The following CSMD1 variants were observed in gnomAD, a reference collection of about 807,000 sequenced individuals.
CSMD1 encodes the protein CUB and Sushi multiple domains 1, also known as CUB and sushi domain-containing protein 1.
CSMD1 carries 213 observed loss-of-function variants against 417.5 expected under a neutral mutation model. The observed-to-expected ratio is 0.51, with a 90% CI of 0.46 to 0.57. The LOEUF is 0.57. CSMD1 is among the 20% of genes least tolerant of loss of function. The probability of loss-of-function intolerance (pLI) is 0.00; values close to 1 mark genes in which losing one functional copy is unlikely to be tolerated. For synonymous variants in CSMD1, 2,862 were observed against 1,736.8 expected (o/e 1.65, Z -16.11); for missense variants, 6,923 against 4,529.7 (o/e 1.53, Z -15.17).
intron 49 of CSMD1, among the ~76,000 whole-genome samples, chr8:3,084,519 C>T (rs1322409593): frequency 3.7e-5 from 3 of 80,092 alleles, no homozygotes; most frequent in South Asian, 3.5e-4. Context: ...AGCAAAACTC[C>T]GTCTCAAAAA....
intron 3 of CSMD1, among the ~76,000 whole-genome samples, chr8:4,207,884 C>T (rs1181605021): frequency 6.6e-6 from 1 of 152,070 alleles, no homozygotes; most frequent in African/African-American, 2.4e-5. Context: ...AGAAATTAGT[C>T]CTCATGGAGC....
At chr8:4,821,607 T>C (rs1419239824) in intron 1 of CSMD1, among the ~76,000 whole-genome samples, 1 of 152,102 alleles carries the variant, frequency 6.6e-6, no homozygotes, top group African/African-American at 2.4e-5. Context: ...CATGCAGCCC[T>C]TCATATTCAG....
chr8:3,411,970 G>T (rs1343605689), intron 12 of CSMD1, among the ~76,000 whole-genome samples: 1 of 42,976 alleles, frequency 2.3e-5, no homozygotes, highest in African/African-American at 8.8e-5. Flanking sequence ...ATATATGCAC[G>T]TATATATACA....
intron 3 of CSMD1, among the ~76,000 whole-genome samples, chr8:4,387,733 A>T (rs553088561): frequency 6.6e-6 from 1 of 152,250 alleles, no homozygotes; most frequent in African/African-American, 2.4e-5. Context: ...TAAAATAGAC[A>T]TATTTCTACA....
At chr8:3,560,324 T>C (rs575476855) in intron 10 of CSMD1, among the ~76,000 whole-genome samples, 2 of 152,182 alleles carry the variant, frequency 1.3e-5, no homozygotes, top group Non-Finnish European at 2.9e-5. Context: ...ATGATACCAT[T>C]AGTGAAGGTA....
intron 3 of CSMD1, among the ~76,000 whole-genome samples, chr8:4,415,978 G>A (rs1266661096): frequency 6.6e-6 from 1 of 152,078 alleles, no homozygotes. Flanking sequence ...CTAAAGTACT[G>A]CAGTTAACTA....
chr8:3,261,897 A>T lies in CSMD1; in HGVS notation c.4153+22247T>A, dbSNP rs1325874419. On this transcript the variant is annotated intron_variant, in intron 26 of 69. Transcript: ENST00000635120. Reference sequence around the variant, plus strand: ...CGGCTATCAAAGAGCAGCCTGTGGGATCCTATTCCTGGGGGAAATGTCCTA... The same window carrying T: ...CGGCTATCAAAGAGCAGCCTGTGGGTTCCTATTCCTGGGGGAAATGTCCTA... Among the ~76,000 whole-genome samples, 5 of 152,118 alleles carry T rather than the reference A, an allele frequency of 3.3e-5. No individual in the cohort carries two copies. The East Asian group carries it at 9.7e-4, about 29-fold the overall frequency.
intron 10 of CSMD1, among the ~76,000 whole-genome samples, chr8:3,526,965 T>C (rs572494956): frequency 6.6e-6 from 1 of 152,108 alleles, no homozygotes; most frequent in African/African-American, 2.4e-5. Context: ...TGTTGTTGGG[T>C]GCAGCCCTCT....
intron 5 of CSMD1, among the ~76,000 whole-genome samples, chr8:3,809,768 G>A (rs143518900): frequency 2.0e-5 from 3 of 152,176 alleles, no homozygotes; most frequent in Non-Finnish European, 4.4e-5. Context: ...CAACAGGAAA[G>A]TATTAGAATG....
intron 45 of CSMD1, 104 bp from the exon 46 acceptor site, chr8:3,106,745 A>C (rs1816175025): frequency 3.5e-6 from 2 of 563,714 alleles, no homozygotes; most frequent in Middle Eastern, 2.7e-4. Flanking sequence ...TCAACTTGCA[A>C]ATCTTTTTAG....
At chr8:4,538,496 A>C (rs576686192) in intron 2 of CSMD1, among the ~76,000 whole-genome samples, 1 of 152,192 alleles carries the variant, frequency 6.6e-6, no homozygotes, top group Non-Finnish European at 1.5e-5. Flanking sequence ...TAGAAAAATT[A>C]GCTGTGTGTG....
intron 5 of CSMD1, among the ~76,000 whole-genome samples, chr8:3,970,241 A>C (rs1450562829): frequency 6.6e-6 from 1 of 152,204 alleles, no homozygotes; most frequent in East Asian, 1.9e-4. Context: ...TCCCAATTTA[A>C]TCAACTAAAC....
chr8:3,518,355 C>T (rs975239899), intron 10 of CSMD1, among the ~76,000 whole-genome samples: 1 of 152,156 alleles, frequency 6.6e-6, no homozygotes, highest in Admixed American at 6.6e-5. Flanking sequence ...GTACCAACAT[C>T]ATATAAGAAA....
intron 4 of CSMD1, among the ~76,000 whole-genome samples, chr8:4,017,211 T>C (rs1482304220): frequency 2.0e-5 from 3 of 152,238 alleles, no homozygotes; most frequent in Non-Finnish European, 4.4e-5. Flanking sequence ...AAGTTTTTTC[T>C]ACTATTTTAA....
chr8:3,137,611 A>C (rs958823491), intron 41 of CSMD1, among the ~76,000 whole-genome samples: 1 of 152,196 alleles, frequency 6.6e-6, no homozygotes, highest in Admixed American at 6.5e-5. Flanking sequence ...ATAATGGTGC[A>C]TTTTCATAAA....
At chr8:4,050,400 T>C (rs1798364004) in intron 3 of CSMD1, among the ~76,000 whole-genome samples, 1 of 152,156 alleles carries the variant, frequency 6.6e-6, no homozygotes, top group South Asian at 2.1e-4. Flanking sequence ...TTTTTAATTT[T>C]TAAAATTTTA....
intron 5 of CSMD1, among the ~76,000 whole-genome samples, chr8:3,973,609 T>G (rs977563144): frequency 1.3e-5 from 2 of 152,118 alleles, no homozygotes; most frequent in African/African-American, 4.8e-5. Context: ...GAGAAACAAT[T>G]TCATCATTGT....
intron 1 of CSMD1, among the ~76,000 whole-genome samples, chr8:4,705,181 T>C (rs999563436): frequency 2.6e-5 from 4 of 152,178 alleles, no homozygotes; most frequent in African/African-American, 9.7e-5. Flanking sequence ...GTAAGTTTCC[T>C]GAGGCCTTCC....
intron 3 of CSMD1, among the ~76,000 whole-genome samples, chr8:4,059,562 A>T (rs377411427): frequency 6.6e-6 from 1 of 151,938 alleles, no homozygotes; most frequent in Non-Finnish European, 1.5e-5. Context: ...TAATAAAGAA[A>T]AAAAGAGAGA....
Sources: gnomAD v4.1 joint callset for allele counts (sites outside exome capture counted in the v4.1 genomes callset) on GRCh38, gnomAD v4.1.1 for gene constraint, MANE v1.5 for transcripts, NCBI Gene and HGNC (gene_info 2026-07-23, HGNC 2026-07-21) for gene names.